Variants in DPP4 observed in about 807,000 individuals in gnomAD.
DPP4 encodes the protein ADCP-2.
Under a neutral mutation model 122.4 loss-of-function variants are expected in DPP4, and 93 were observed. That is an observed-to-expected ratio of 0.76 (90% confidence interval 0.64 to 0.90). The LOEUF is 0.90. DPP4 is among the 40% of genes least tolerant of loss of function. DPP4 has a pLI of 0.00. For synonymous variants in DPP4, 321 were observed against 302.9 expected, an observed-to-expected ratio of 1.06 and a Z score of -0.62; for missense variants, 914 against 907.3, an observed-to-expected ratio of 1.01 and a Z score of -0.09.
rs201825911 is a variant in DPP4, at chr2:162,024,853, A to G, written c.974T>C (p.Met325Thr). The change falls in exon 11 of 26, where the codon ATG becomes ACG. Residue 325 changes from methionine (M) to threonine (T), a missense_variant. Coordinates refer to ENST00000360534, the MANE Select transcript of DPP4 (RefSeq NM_001935.4). ...GGATTCATCATAGTCACAAATATCC[A>G]TGACCGAATAGTTCTGAATCCTCCT... ...WLRRIQNYSV[M>T]DICDYDESSG... 28 of 1,613,870 alleles carry G rather than the reference A, an allele frequency of 1.7e-5. No homozygotes were observed. Among genetic ancestry groups the G allele is most frequent in the Non-Finnish European group, 2.3e-5 (27 of 1,180,042 alleles).
chr2:162,034,272 A>C (rs1001500487), intron 9 of DPP4, among the ~76,000 whole-genome samples: 1 of 152,200 alleles, frequency 6.6e-6, no homozygotes, highest in Admixed American at 6.5e-5. Context: ...GTTAGAAATA[A>C]TATGATATTT....
At chr2:162,023,940 A>T (rs537977493) in intron 11 of DPP4, among the ~76,000 whole-genome samples, 15 of 152,308 alleles carry the variant, frequency 9.8e-5, no homozygotes, top group East Asian at 3.9e-4. Flanking sequence ...TTCACTTTTT[A>T]AAAAAATCCA....
At chr2:162,041,557 C>A (rs1683988747) in intron 5 of DPP4, among the ~76,000 whole-genome samples, 1 of 152,134 alleles carries the variant, frequency 6.6e-6, no homozygotes, top group African/African-American at 2.4e-5. Flanking sequence ...TTATTAAATT[C>A]TACTTTTCGG....
intron 2 of DPP4, among the ~76,000 whole-genome samples, chr2:162,048,265 CT>C (rs1258097331): frequency 6.6e-6 from 1 of 152,104 alleles, no homozygotes; most frequent in East Asian, 1.9e-4. Flanking sequence ...ATTTTTGATA[CT>C]TCTGTCTGTT....
At chr2:162,022,726 C>T (rs200874327) in intron 12 of DPP4, 29 bp downstream of exon 12, 1 of 1,612,478 alleles carries the variant, frequency 6.2e-7, no homozygotes, top group Admixed American at 1.7e-5. Flanking sequence ...CTGACTCATC[C>T]ATAAAACCCC....
In DPP4 at chr2:162,074,053, G is replaced by A; in HGVS notation, c.-72C>T. 1 of 1,577,558 alleles carries A rather than the reference G, an allele frequency of 6.3e-7. No individual in the cohort carries two copies. Among genetic ancestry groups the A allele is most frequent in the South Asian group, 1.2e-5 (1 of 85,166 alleles). On this transcript the variant is annotated 5_prime_UTR_variant, in exon 1 of 26. Transcript: ENST00000360534. Reference sequence around the variant, plus strand: ...AGAAGTCACCGCGGGCGGCGGAGACGCGCGTCCTGCACCGCTGCTCCGGGC... The same window carrying A: ...AGAAGTCACCGCGGGCGGCGGAGACACGCGTCCTGCACCGCTGCTCCGGGC...
At chr2:162,019,121 C>G in intron 15 of DPP4, 102 bp downstream of exon 15, 1 of 1,061,690 alleles carries the variant, frequency 9.4e-7, no homozygotes, top group South Asian at 1.4e-5. Flanking sequence ...AATAGCAATA[C>G]CAGTTTAATA....
intron 8 of DPP4, among the ~76,000 whole-genome samples, chr2:162,035,621 GC>G (rs1305858920): frequency 6.6e-6 from 1 of 151,900 alleles, no homozygotes; most frequent in Non-Finnish European, 1.5e-5. Context: ...CTAAATTTAT[GC>G]CTCAAAACAT....
At position 162,005,725 on chromosome 2, in the gene DPP4, T is replaced by C. The variant is rs535677171; in HGVS notation, c.2052+20A>G. The C allele has an allele frequency of 6.2e-7, 1 of 1,603,964 alleles. No individual in the cohort carries two copies. The highest frequency in any genetic ancestry group is 1.3e-5 in the African/African-American group (1 of 74,764). Reference sequence around the variant, plus strand: ...ACTTATAAATAGGTTATAAAATAGGTATAGGTCCTCATCTCTTACTCTGTA... The same window carrying C: ...ACTTATAAATAGGTTATAAAATAGGCATAGGTCCTCATCTCTTACTCTGTA... On this transcript the variant is annotated intron_variant, in intron 23 of 25. Transcript: ENST00000360534.
chr2:162,008,561 C>T lies in DPP4; in HGVS notation c.1987+1G>A. 1 of 1,612,982 alleles carries T rather than the reference C, an allele frequency of 6.2e-7. No homozygotes were observed. Among genetic ancestry groups the T allele is most frequent in the Non-Finnish European group, 8.5e-7 (1 of 1,179,260 alleles). ...CTTTGTACCTGGCAGCAATTACATA[C>T]CATAGTACTCCCACCGGGATACAGG... On this transcript the variant is annotated splice_donor_variant, in intron 22 of 25. Transcript: ENST00000360534. LOFTEE classifies it high-confidence loss of function.
chr2:162,022,972 C>T (rs1215731186), intron 11 of DPP4, among the ~76,000 whole-genome samples, 173 bp from the exon 12 acceptor site: 2 of 152,188 alleles, frequency 1.3e-5, no homozygotes, highest in African/African-American at 4.8e-5. Flanking sequence ...GATCATTTGA[C>T]TCTCTTGCCT....
At chr2:162,073,611 G>T in intron 1 of DPP4, 125 bp from the exon 2 acceptor site, 2 of 925,454 alleles carry the variant, frequency 2.2e-6, no homozygotes, top group Non-Finnish European at 1.7e-6. Flanking sequence ...GAGGGAGACC[G>T]CGGGCTGGGG....
intron 2 of DPP4, among the ~76,000 whole-genome samples, chr2:162,060,031 A>C (rs1020751109): frequency 6.6e-6 from 1 of 152,212 alleles, no homozygotes; most frequent in African/African-American, 2.4e-5. Flanking sequence ...TAACTAGACT[A>C]AAATTCTGTG....
chr2:162,028,310 C>T (rs1334455465), intron 10 of DPP4, among the ~76,000 whole-genome samples: 2 of 152,052 alleles, frequency 1.3e-5, no homozygotes, highest in Admixed American at 6.6e-5. Flanking sequence ...TGCATTGAGC[C>T]GAGATCATGC....
intron 8 of DPP4, 43 bp from the exon 9 acceptor site, chr2:162,035,367 T>A (rs201710513): frequency 6.3e-7 from 1 of 1,586,556 alleles, no homozygotes; most frequent in East Asian, 2.2e-5. Flanking sequence ...AAGTAGCTGA[T>A]AAATTGGCTT....
rs750629831 is a variant in DPP4 at position 162,022,823 on chromosome 2, C to G, written c.1024-24G>C. On this transcript the variant is annotated intron_variant, in intron 11 of 25. Coordinates refer to ENST00000360534, the MANE Select transcript of DPP4 (RefSeq NM_001935.4). ...GCCTAGGAAGGGAAAGAGACAATGA[C>G]AGCATTTCAAAGAGAAGTCAGATGA... 3.7e-6 allele frequency: 6 copies of G among 1,613,386 alleles called. No homozygotes were observed. In the South Asian group the frequency reaches 6.6e-5, roughly 18 times the overall value.
At chr2:162,020,168 G>T (rs1683069152) in intron 14 of DPP4, 61 bp downstream of exon 14, 1 of 1,421,296 alleles carries the variant, frequency 7.0e-7, no homozygotes, top group Admixed American at 2.1e-5. Flanking sequence ...CCTACTTCTG[G>T]GCAAAGAGGG....
At chr2:162,014,578 G>A (rs1372669672) in intron 18 of DPP4, 113 bp from the exon 19 acceptor site, 1 of 726,688 alleles carries the variant, frequency 1.4e-6, no homozygotes, top group Non-Finnish European at 2.3e-6. Flanking sequence ...TTTGTTAAAT[G>A]AGAGTAGAAA....
At chr2:162,005,898 G>A (rs1701273055) in intron 22 of DPP4, 89 bp from the exon 23 acceptor site, 1 of 976,750 alleles carries the variant, frequency 1.0e-6, no homozygotes, top group Non-Finnish European at 1.6e-6. Context: ...GTTTCCATAT[G>A]TATTCACTCA....
Sources: allele counts gnomAD v4.1 joint callset (sites outside exome capture counted in the v4.1 genomes callset), GRCh38; gene constraint gnomAD v4.1.1; transcripts MANE v1.5; gene names NCBI Gene and HGNC (gene_info 2026-07-23, HGNC 2026-07-21).